USP37: variants seen among roughly 807,000 people sequenced by gnomAD.
The protein encoded by USP37 is ubiquitin specific peptidase 37.
Under a neutral mutation model 124.0 loss-of-function variants are expected in USP37, and 27 were observed. That is an observed-to-expected ratio of 0.22 (90% confidence interval 0.16 to 0.30). The LOEUF (loss-of-function observed/expected upper bound fraction) is 0.30, where lower values mean the gene tolerates loss of function less well. Ranked by LOEUF, USP37 falls within the 10% of genes least tolerant of loss-of-function variation. The probability of loss-of-function intolerance (pLI) is 1.00; values close to 1 mark genes in which losing one functional copy is unlikely to be tolerated. For synonymous variants in USP37, 365 were observed against 388.0 expected (o/e 0.94, Z 0.70); for missense variants, 889 against 1,140.4 (o/e 0.78, Z 3.17).
intron 10 of USP37, among the ~76,000 whole-genome samples, chr2:218,519,192 G>A (rs757421563): frequency 6.6e-6 from 1 of 152,260 alleles, no homozygotes; most frequent in Non-Finnish European, 1.5e-5. Flanking sequence ...GTGAAAAAAT[G>A]TACATCTAAG....
intron 22 of USP37, 23 bp downstream of exon 22, chr2:218,463,283 T>C (rs1690126997): frequency 6.2e-7 from 1 of 1,607,382 alleles, no homozygotes; most frequent in South Asian, 1.1e-5. Context: ...ATTAAAAAAA[T>C]GTAATTAAAA....
At position 218,451,218 on chromosome 2, in the gene USP37, G is replaced by A. The variant is rs1349058667; in HGVS notation, c.*3712C>T. 5 of 152,148 alleles carry A rather than the reference G, an allele frequency of 3.3e-5. No individual in the cohort carries two copies. Among genetic ancestry groups the A allele is most frequent in the Non-Finnish European group, 5.9e-5 (4 of 68,018 alleles). The allele number at this position is 152,148 out of a possible 1,614,324, so 9.4% of individuals were successfully genotyped here. A position where few individuals can be genotyped will look rare whatever the true frequency, so the allele number is the denominator to read the frequency against. ...ATTACTCAGTATAAAGCAAAATGGG[G>A]AGGAAAAAGACATCCATCCATTTTA... On this transcript the variant is annotated 3_prime_UTR_variant, in exon 26 of 26. Transcript: ENST00000258399.
chr2:218,482,463 T>C (rs1332262732), intron 16 of USP37, among the ~76,000 whole-genome samples: 2 of 152,170 alleles, frequency 1.3e-5, no homozygotes, highest in African/African-American at 4.8e-5. Context: ...AAAATACTTA[T>C]AATGTTCCTA....
intron 10 of USP37, among the ~76,000 whole-genome samples, chr2:218,513,314 A>G (rs1690102313): frequency 6.6e-6 from 1 of 152,214 alleles, no homozygotes; most frequent in Non-Finnish European, 1.5e-5. Flanking sequence ...TACAGGCGTG[A>G]GCCAACCATG....
chr2:218,563,028 C>G (rs1054193337), intron 1 of USP37, among the ~76,000 whole-genome samples: 3 of 151,732 alleles, frequency 2.0e-5, no homozygotes, highest in Non-Finnish European at 4.4e-5. Context: ...CTGGGCGTGG[C>G]AGTGCATGTC....
At chr2:218,510,370 A>G (rs1034151694) in intron 10 of USP37, among the ~76,000 whole-genome samples, 1 of 152,230 alleles carries the variant, frequency 6.6e-6, no homozygotes, top group African/African-American at 2.4e-5. Context: ...CAACCAAAAT[A>G]ATCCATGTTA....
At chr2:218,535,108 G>A (rs1213938796) in intron 8 of USP37, among the ~76,000 whole-genome samples, 1 of 149,676 alleles carries the variant, frequency 6.7e-6, no homozygotes, top group African/African-American at 2.5e-5. Context: ...GCTCACTCCT[G>A]TAATCCCAGC....
At chr2:218,484,027 C>T (rs1364356621) in intron 16 of USP37, among the ~76,000 whole-genome samples, 3 of 152,012 alleles carry the variant, frequency 2.0e-5, no homozygotes, top group Admixed American at 6.5e-5. Flanking sequence ...GGCGTGGTGG[C>T]GCGTTCCTGT....
At chr2:218,460,714 G>A (rs1689969094) in intron 22 of USP37, among the ~76,000 whole-genome samples, 1 of 151,766 alleles carries the variant, frequency 6.6e-6, no homozygotes, top group Non-Finnish European at 1.5e-5. Context: ...AGGCTGAGGT[G>A]GGCGGATCAC....
At chr2:218,555,972 C>T (rs951394843) in intron 4 of USP37, among the ~76,000 whole-genome samples, 2 of 152,156 alleles carry the variant, frequency 1.3e-5, no homozygotes, top group African/African-American at 4.8e-5. Flanking sequence ...ACTCCACTCC[C>T]TTTTCCTTAC....
chr2:218,482,320 C>G, intron 16 of USP37, 86 bp from the exon 17 acceptor site: 1 of 1,375,394 alleles, frequency 7.3e-7, no homozygotes, highest in Non-Finnish European at 9.6e-7. Flanking sequence ...CTATGTTAGA[C>G]GACTTTTGAT....
intron 8 of USP37, among the ~76,000 whole-genome samples, chr2:218,535,995 TGACAAGAGC>T (rs895435016): frequency 1.8e-5 from 2 of 111,478 alleles, no homozygotes; most frequent in Non-Finnish European, 3.3e-5. Context: ...CCAGAATGGG[TGACAAGAGC>T]GAGACTTCAT....
In USP37 at chr2:218,485,752, A is replaced by G; in HGVS notation, c.1591-9T>C. ...TACTCCAGTTCTTCGGCCTATAAAA[A>G]GAAGGAAAAATAAAGCATGAAGGTG... On this transcript the variant is annotated splice_polypyrimidine_tract_variant and intron_variant, in intron 15 of 25. Transcript: ENST00000258399. 1 of 1,608,204 alleles carries G rather than the reference A, an allele frequency of 6.2e-7. No individual in the cohort carries two copies. Among genetic ancestry groups the G allele is most frequent in the Non-Finnish European group, 8.5e-7 (1 of 1,178,542 alleles).
intron 7 of USP37, among the ~76,000 whole-genome samples, chr2:218,546,671 AG>A (rs1465022154): frequency 6.6e-6 from 1 of 152,174 alleles, no homozygotes; most frequent in African/African-American, 2.4e-5. Context: ...CGCCCGCCTC[AG>A]TCTCCCAAAG....
At chr2:218,524,190 A>T (rs770777325) in intron 10 of USP37, among the ~76,000 whole-genome samples, 17 of 152,168 alleles carry the variant, frequency 1.1e-4, no homozygotes, top group African/African-American at 2.9e-4. Flanking sequence ...TTCTGTGTTC[A>T]TAAGTGAAAA....
chr2:218,546,786 C>T, intron 7 of USP37, 133 bp downstream of exon 7: 1 of 1,011,918 alleles, frequency 9.9e-7, no homozygotes. Context: ...CTACATATGA[C>T]AAATACTTGT....
intron 9 of USP37, among the ~76,000 whole-genome samples, chr2:218,533,275 T>C (rs1048717934): frequency 3.9e-5 from 6 of 152,188 alleles, no homozygotes; most frequent in African/African-American, 1.2e-4. Context: ...GCTAATAACA[T>C]TTCTACTACT....
Position 218,472,221 on chromosome 2 carries a change from G to T in USP37, c.2299+2409C>A, listed in dbSNP as rs370347940. On this transcript the variant is annotated intron_variant, in intron 20 of 25. Transcript: ENST00000258399. Reference sequence around the variant, plus strand: ...CCAGGCCATCTTAATGTTTAATCACGAACTTGGCACAGAATCAATTCAATC... The same window carrying T: ...CCAGGCCATCTTAATGTTTAATCACTAACTTGGCACAGAATCAATTCAATC... 3.9e-5 allele frequency among the ~76,000 whole-genome samples: 6 copies of T among 152,028 alleles called. No individual in the cohort carries two copies. The East Asian group carries it at 9.7e-4, about 25-fold the overall frequency.
rs1352292282 is a variant in USP37 at position 218,469,362 on chromosome 2, T to G, written c.2300-3186A>C. The stretch of plus-strand genomic sequence containing the variant: ...CCTGCTGAACTGGGAATGGATTATT[T>G]GACTCAACCAATCAGATTATCTGTT... On this transcript the variant is annotated intron_variant, in intron 20 of 25. Transcript: ENST00000258399. Among the ~76,000 whole-genome samples the G allele has an allele frequency of 2.0e-5, 3 of 152,174 alleles. No individual in the cohort carries two copies. The East Asian group carries it at 5.8e-4, about 29-fold the overall frequency.
Sources: allele counts gnomAD v4.1 joint callset (sites outside exome capture counted in the v4.1 genomes callset), GRCh38; gene constraint gnomAD v4.1.1; transcripts MANE v1.5; gene names NCBI Gene and HGNC (gene_info 2026-07-23, HGNC 2026-07-21).